Variants in COL26A1 observed in about 807,000 individuals in gnomAD.
COL26A1 encodes the protein collagen alpha-1(XXVI) chain.
COL26A1 carries 41 observed loss-of-function variants against 59.3 expected under a neutral mutation model. That is an observed-to-expected ratio of 0.69 (90% CI 0.54 to 0.90). The LOEUF (loss-of-function observed/expected upper bound fraction) is 0.90. Ranked by LOEUF, COL26A1 falls within the 40% of genes least tolerant of loss-of-function variation. The pLI, the probability that COL26A1 is intolerant of heterozygous loss-of-function variation, is 0.00. For missense variants in COL26A1, 612 were observed against 602.3 expected (o/e 1.02, Z -0.17); for synonymous variants, 266 against 256.0 (o/e 1.04, Z -0.37).
At chr7:101,448,104 T>C (rs1274602231) in intron 3 of COL26A1, among the ~76,000 whole-genome samples, 1 of 152,232 alleles carries the variant, frequency 6.6e-6, no homozygotes, top group East Asian at 1.9e-4. Flanking sequence ...TTGGCTCCGA[T>C]GCACCCAGAA....
At chr7:101,385,065 C>T (rs1791533319) in intron 1 of COL26A1, among the ~76,000 whole-genome samples, 1 of 152,012 alleles carries the variant, frequency 6.6e-6, no homozygotes, top group African/African-American at 2.4e-5. Context: ...GCCACGCTGG[C>T]AGCCGATTGA....
At chr7:101,446,568 C>A (rs1020336872) in intron 2 of COL26A1, among the ~76,000 whole-genome samples, 2 of 152,056 alleles carry the variant, frequency 1.3e-5, no homozygotes, top group African/African-American at 2.4e-5. Context: ...GAAAGATGGC[C>A]GGGTGCCATG....
At chr7:101,516,444 AT>A (rs369233097) in intron 3 of COL26A1, among the ~76,000 whole-genome samples, 14 of 148,744 alleles carry the variant, frequency 9.4e-5, no homozygotes, top group African/African-American at 2.5e-4. Flanking sequence ...GCTAGTTTTA[AT>A]TTTTTTTTTA....
At chr7:101,493,339 C>T (rs916863999) in intron 3 of COL26A1, among the ~76,000 whole-genome samples, 125 of 151,762 alleles carry the variant, frequency 8.2e-4, no homozygotes, top group Non-Finnish European at 1.8e-4. Flanking sequence ...CAGTGTTTGC[C>T]TGGCAGGCTC....
chr7:101,512,675 C>G (rs1314551072), intron 3 of COL26A1, among the ~76,000 whole-genome samples: 1 of 152,174 alleles, frequency 6.6e-6, no homozygotes, highest in Non-Finnish European at 1.5e-5. Context: ...GGCCCTACCT[C>G]TGTGACCACC....
At chr7:101,503,495 G>A (rs150766519) in intron 3 of COL26A1, among the ~76,000 whole-genome samples, 15 of 152,256 alleles carry the variant, frequency 9.9e-5, no homozygotes, top group Non-Finnish European at 1.6e-4. Flanking sequence ...GGATCCTCCA[G>A]CCTCAGCCTC....
intron 3 of COL26A1, among the ~76,000 whole-genome samples, chr7:101,491,337 G>A (rs911009690): frequency 1.3e-5 from 2 of 152,140 alleles, no homozygotes; most frequent in Non-Finnish European, 2.9e-5. Context: ...AGAGCTGGTT[G>A]TTAAACACTT....
chr7:101,376,137 C>CAA (rs34061057), intron 1 of COL26A1, among the ~76,000 whole-genome samples: 2 of 132,396 alleles, frequency 1.5e-5, no homozygotes, highest in African/African-American at 3.0e-5. Context: ...CCTGTATCTA[C>CAA]AAAAAAAAAA....
chr7:101,472,801 G>A (rs1793936499), intron 3 of COL26A1, among the ~76,000 whole-genome samples: 1 of 15,008 alleles, frequency 6.7e-5, no homozygotes, highest in Non-Finnish European at 1.1e-4. Context: ...TCGAAGTGTT[G>A]TGGGGCCCCA....
At position 101,363,022 on chromosome 7, in the gene COL26A1, T is replaced by C. The variant is rs1790932722; in HGVS notation, c.-11T>C. On this transcript the variant is annotated 5_prime_UTR_variant, in exon 1 of 13. Transcript: ENST00000313669. ...CCCGGGACTCCGGGTCCCCGCGGGCTGCTGCGCACGATGAAGCTGGCCCTG... is the reference window on the plus strand; with the variant it reads ...CCCGGGACTCCGGGTCCCCGCGGGCCGCTGCGCACGATGAAGCTGGCCCTG... 6.4e-7 allele frequency: 1 copy of C among 1,570,936 alleles called. No homozygotes were observed. The highest frequency in any genetic ancestry group is 1.4e-5 in the African/African-American group (1 of 72,314).
intron 3 of COL26A1, among the ~76,000 whole-genome samples, chr7:101,452,410 C>T (rs1232615131): frequency 3.3e-5 from 5 of 152,108 alleles, no homozygotes; most frequent in African/African-American, 7.2e-5. Flanking sequence ...CAAAGGTGTC[C>T]ACCCTCAAGG....
At chr7:101,532,815 C>T (rs1460772518) in intron 3 of COL26A1, among the ~76,000 whole-genome samples, 1 of 152,170 alleles carries the variant, frequency 6.6e-6, no homozygotes, top group Non-Finnish European at 1.5e-5. Flanking sequence ...CTTCATTGTG[C>T]TCACCAGCTC....
chr7:101,437,988 C>T (rs186805418), intron 2 of COL26A1, among the ~76,000 whole-genome samples: 12 of 152,178 alleles, frequency 7.9e-5, no homozygotes, highest in African/African-American at 2.6e-4. Context: ...GTTGGGATTA[C>T]AGGCATGAGC....
intron 3 of COL26A1, among the ~76,000 whole-genome samples, chr7:101,501,255 G>A (rs1794702177): frequency 6.6e-6 from 1 of 150,408 alleles, no homozygotes; most frequent in Non-Finnish European, 1.5e-5. Context: ...GAACCTGCCA[G>A]TTGGAATAAT....
chr7:101,453,218 C>T (rs1239929587), intron 3 of COL26A1, among the ~76,000 whole-genome samples: 1 of 152,096 alleles, frequency 6.6e-6, no homozygotes, highest in Non-Finnish European at 1.5e-5. Context: ...AATAGAAAAA[C>T]TAGCCGGGCG....
Position 101,435,491 on chromosome 7 carries a change from C to T in COL26A1, c.282-12193C>T, listed in dbSNP as rs60500656. 3.7e-3 allele frequency among the ~76,000 whole-genome samples: 564 copies of T among 152,284 alleles called. 4 individuals carry two copies. The highest frequency in any genetic ancestry group is 0.013 in the African/African-American group (540 of 41,570). On this transcript the variant is annotated intron_variant, in intron 2 of 12. Coordinates refer to ENST00000313669, the MANE Select transcript of COL26A1 (RefSeq NM_001278563.3). ...AGGCAGACAGACAAACCATGCTTCC[C>T]TCCTCCGTGCCTCAGTTTCCCATCC... is the stretch of plus-strand genomic sequence containing the variant.
rs1234224816 is a variant in COL26A1, at chr7:101,416,784, G to A, written c.159-3193G>A. Among the ~76,000 whole-genome samples the A allele has an allele frequency of 2.8e-5, 4 of 143,568 alleles. 1 individual carries two copies. The highest frequency in any genetic ancestry group is 6.3e-5 in the Non-Finnish European group (4 of 63,386). The allele number at this position is 143,568 out of a possible 152,430, so 94.2% of individuals were successfully genotyped here. A position where few individuals can be genotyped will look rare whatever the true frequency, so the allele number is the denominator to read the frequency against. ...TCACAGGGTCTTGCTCTGTCACCCA[G>A]TGTGGAGTGCAGCGGTGCGATCATG... On this transcript the variant is annotated intron_variant, in intron 1 of 12. Coordinates refer to ENST00000313669, the MANE Select transcript of COL26A1 (RefSeq NM_001278563.3).
At chr7:101,463,179 A>G in intron 3 of COL26A1, among the ~76,000 whole-genome samples, 1 of 152,210 alleles carries the variant, frequency 6.6e-6, no homozygotes, top group South Asian at 2.1e-4. Context: ...CTGCAAATTA[A>G]TTGCACACAC....
intron 3 of COL26A1, among the ~76,000 whole-genome samples, chr7:101,490,277 A>C (rs1043718906): frequency 1.3e-5 from 2 of 151,854 alleles, no homozygotes; most frequent in African/African-American, 4.8e-5. Flanking sequence ...CAGTCTGGCT[A>C]TGTTGCCCAA....
Sources: allele counts gnomAD v4.1 joint callset (sites outside exome capture counted in the v4.1 genomes callset), GRCh38; gene constraint gnomAD v4.1.1; transcripts MANE v1.5; gene names NCBI Gene and HGNC (gene_info 2026-07-23, HGNC 2026-07-21).